PCDHGA9: variants seen among roughly 807,000 people sequenced by gnomAD.
The protein encoded by PCDHGA9 is protocadherin gamma-A9.
PCDHGA9 carries 37 observed loss-of-function variants against 62.5 expected under a neutral mutation model. The ratio of observed to expected loss-of-function variants is 0.59; its 90% confidence interval spans 0.46 to 0.78. PCDHGA9 has a LOEUF of 0.78. Ranked by LOEUF, PCDHGA9 falls within the 30% of genes least tolerant of loss-of-function variation. The pLI is 0.00. For synonymous variants in PCDHGA9, 459 were observed against 484.6 expected (o/e 0.95, Z 0.69); for missense variants, 1,138 against 1,166.2 (o/e 0.98, Z 0.35).
At chr5:141,427,929 T>A in intron 1 of PCDHGA9, 1 of 1,582,776 alleles carries the variant, frequency 6.3e-7, no homozygotes, top group South Asian at 1.1e-5. Flanking sequence ...CCGGCGCATG[T>A]TGGTGGGCGA....
At chr5:141,500,866 A>C (rs576713520) in intron 2 of PCDHGA9, among the ~76,000 whole-genome samples, 1 of 146,112 alleles carries the variant, frequency 6.8e-6, no homozygotes, top group Non-Finnish European at 1.5e-5. Context: ...AAACATACAC[A>C]TTCATTTACA....
At chr5:141,499,451 T>A (rs1378621877) in intron 2 of PCDHGA9, among the ~76,000 whole-genome samples, 3 of 152,130 alleles carry the variant, frequency 2.0e-5, no homozygotes, top group Non-Finnish European at 4.4e-5. Flanking sequence ...AAACCACCCA[T>A]CATTTTACAA....
rs530139788 is a variant in PCDHGA9, at chr5:141,509,165, C to A, written c.2573-1782C>A. On this transcript the variant is annotated intron_variant, in intron 3 of 3. Coordinates refer to ENST00000573521, the MANE Select transcript of PCDHGA9 (RefSeq NM_018921.3). ...TCCCGGCTCTCCCCTCCCGTGTGCC[C>A]TCCTCCTCTTATGCCGGCTTGAAAA... Among the ~76,000 whole-genome samples the A allele has an allele frequency of 1.4e-4, 21 of 152,332 alleles. No individual in the cohort carries two copies. In the South Asian group the frequency reaches 4.1e-3, roughly 30 times the overall value.
At position 141,455,318 on chromosome 5, in the gene PCDHGA9, G is replaced by A. The variant is rs534507768; in HGVS notation, c.2425-39489G>A. On this transcript the variant is annotated intron_variant, in intron 1 of 3. Transcript: ENST00000573521. ...TTTCATCTTGCATTAGCAATTTTGT[G>A]TGTGTGTTTGTGGTTTTAAGGAGCG... is the stretch of plus-strand genomic sequence containing the variant. Among the ~76,000 whole-genome samples the A allele has an allele frequency of 2.4e-4, 37 of 152,186 alleles. No individual in the cohort carries two copies. The South Asian group carries it at 5.6e-3, about 23-fold the overall frequency.
At chr5:141,455,634 G>T (rs1429708887) in intron 1 of PCDHGA9, among the ~76,000 whole-genome samples, 1 of 152,110 alleles carries the variant, frequency 6.6e-6, no homozygotes, top group African/African-American at 2.4e-5. Context: ...GAGATATGTG[G>T]GGGGCAGCCA....
rs538474552 is a variant in PCDHGA9, at chr5:141,415,070, C to T, written c.2424+9694C>T. The T allele has an allele frequency of 2.0e-5, 32 of 1,613,398 alleles. No homozygotes were observed. The African/African-American group carries it at 3.9e-4, about 19-fold the overall frequency. On this transcript the variant is annotated intron_variant, in intron 1 of 3. Transcript: ENST00000573521. Reference sequence around the variant, plus strand: ...GGGGAGCACACGGGCGAGGTGCGCACGGCGCGAGCCCTGCTGGACAGAGAC... The same window carrying T: ...GGGGAGCACACGGGCGAGGTGCGCATGGCGCGAGCCCTGCTGGACAGAGAC...
chr5:141,413,012 A>G (rs937468289), intron 1 of PCDHGA9: 10 of 657,718 alleles, frequency 1.5e-5, no homozygotes, highest in Middle Eastern at 4.2e-4. Flanking sequence ...GGCTTCAACT[A>G]CACAAGCCCC....
At position 141,403,415 on chromosome 5, in the gene PCDHGA9, C is replaced by T. The variant is rs770058522; in HGVS notation, c.463C>T (p.Pro155Ser). 6.8e-6 allele frequency: 11 copies of T among 1,614,046 alleles called. No individual in the cohort carries two copies. The South Asian group carries it at 1.2e-4, about 18-fold the overall frequency. ...GGTTCCTGGAGCACGTTATCCACTT[C>T]CAGAAGCTATTGATCCGGATGTTGG... ...IAVPGARYPL[P>S]EAIDPDVGVN... The change falls in exon 1 of 4, where the codon CCA (proline) becomes TCA (serine). Residue 155 changes from proline (P) to serine (S), a missense_variant. Physicochemically the swap from Pro to Ser is moderately conservative, Grantham distance 74. Coordinates refer to ENST00000573521, the MANE Select transcript of PCDHGA9 (RefSeq NM_018921.3).
intron 2 of PCDHGA9, among the ~76,000 whole-genome samples, chr5:141,500,035 CTT>C: frequency 6.6e-6 from 1 of 152,100 alleles, no homozygotes; most frequent in East Asian, 1.9e-4. Flanking sequence ...GTGAGTGTCT[CTT>C]AAGTATCTTA....
chr5:141,408,720 A>T, intron 1 of PCDHGA9: 1 of 1,611,332 alleles, frequency 6.2e-7, no homozygotes, highest in Non-Finnish European at 8.5e-7. Context: ...TATAAGATAA[A>T]CTCTAATCCT....
chr5:141,478,672 A>G (rs1216792401), intron 1 of PCDHGA9: 22 of 1,551,540 alleles, frequency 1.4e-5, no homozygotes, highest in Admixed American at 2.0e-5. Flanking sequence ...CACACTTTCA[A>G]CTGGCCCTTC....
intron 2 of PCDHGA9, 54 bp from the exon 3 acceptor site, chr5:141,505,339 G>A: frequency 1.2e-6 from 2 of 1,612,236 alleles, no homozygotes; most frequent in Middle Eastern, 3.4e-4. Flanking sequence ...GACAGGAGGG[G>A]CATGAGCTGT....
intron 1 of PCDHGA9, among the ~76,000 whole-genome samples, chr5:141,435,043 C>T (rs2097739230): frequency 1.3e-5 from 2 of 151,658 alleles, no homozygotes; most frequent in African/African-American, 2.4e-5. Flanking sequence ...ATTTTTTTCC[C>T]ATTGACCATG....
chr5:141,482,601 A>T (rs1158399317), intron 1 of PCDHGA9, among the ~76,000 whole-genome samples: 1 of 152,002 alleles, frequency 6.6e-6, no homozygotes, highest in Non-Finnish European at 1.5e-5. Flanking sequence ...ACGGGAAAAA[A>T]CACCTAAATG....
At chr5:141,413,092 T>C in intron 1 of PCDHGA9, 1 of 1,429,614 alleles carries the variant, frequency 7.0e-7, no homozygotes, top group Non-Finnish European at 9.4e-7. Context: ...AGAGACACCC[T>C]GAAGCCACAG....
intron 2 of PCDHGA9, among the ~76,000 whole-genome samples, chr5:141,500,428 C>G (rs1224554560): frequency 6.6e-6 from 1 of 151,836 alleles, no homozygotes; most frequent in African/African-American, 2.4e-5. Context: ...CCAGGATGGT[C>G]TCGATCTCCT....
Position 141,476,878 on chromosome 5 carries a change from G to A in PCDHGA9, c.2425-17929G>A. 2 of 1,613,960 alleles carry A rather than the reference G, an allele frequency of 1.2e-6. No homozygotes were observed. The highest frequency in any genetic ancestry group is 1.7e-6 in the Non-Finnish European group (2 of 1,180,034). Reference sequence around the variant, plus strand: ...AGTCCTTGTACCGGGCGCGCGTCCTGGAGGATGCACCCTCCGGCACGCGCG... The same window carrying A: ...AGTCCTTGTACCGGGCGCGCGTCCTAGAGGATGCACCCTCCGGCACGCGCG... On this transcript the variant is annotated intron_variant, in intron 1 of 3. Transcript: ENST00000573521. This position sits in a 1 kb window ranked among gnomAD's most constrained non-coding sequence, Gnocchi z 7.6.
intron 2 of PCDHGA9, among the ~76,000 whole-genome samples, chr5:141,496,125 T>C (rs1318749514): frequency 6.8e-6 from 1 of 146,032 alleles, no homozygotes; most frequent in Non-Finnish European, 1.5e-5. Context: ...TCCCTGCCCC[T>C]CACACACTGA....
At position 141,409,547 on chromosome 5, in the gene PCDHGA9, G is replaced by T. The variant is rs760802690; in HGVS notation, c.2424+4171G>T. Reference sequence around the variant, plus strand: ...GTATGTCGCTGACATCAACGACAACGCCCCAGTTTTCGACCAGACGTCCTA... The same window carrying T: ...GTATGTCGCTGACATCAACGACAACTCCCCAGTTTTCGACCAGACGTCCTA... On this transcript the variant is annotated intron_variant, in intron 1 of 3. Coordinates refer to ENST00000573521, the MANE Select transcript of PCDHGA9 (RefSeq NM_018921.3). The T allele has an allele frequency of 2.4e-5, 39 of 1,613,818 alleles. No individual in the cohort carries two copies. The highest frequency in any genetic ancestry group is 3.1e-5 in the Non-Finnish European group (36 of 1,179,900).
Sources: allele counts gnomAD v4.1 joint callset (sites outside exome capture counted in the v4.1 genomes callset), GRCh38; gene constraint gnomAD v4.1.1; non-coding constraint Gnocchi (gnomAD v3.1); transcripts MANE v1.5; gene names NCBI Gene and HGNC (gene_info 2026-07-23, HGNC 2026-07-21).